Variants in SCRG1 observed in about 807,000 individuals in gnomAD.
SCRG1 encodes stimulator of chondrogenesis 1.
Under a neutral mutation model 7.7 loss-of-function variants are expected in SCRG1, and 3 were observed. The ratio of observed to expected loss-of-function variants is 0.39; its 90% CI spans 0.18 to 1.01. SCRG1 has a LOEUF of 1.01. SCRG1 is among the 50% of genes least tolerant of loss of function. The pLI, the probability that SCRG1 is intolerant of heterozygous loss-of-function variation, is 0.36. For missense variants in SCRG1, 110 were observed against 117.2 expected, an observed-to-expected ratio of 0.94 and a Z score of 0.28; for synonymous variants, 46 against 41.2, an observed-to-expected ratio of 1.12 and a Z score of -0.44.
At chr4:173,476,363 A>AAAAAATATATATATATATATAT in the SCRG1 span, among the ~76,000 whole-genome samples, 570 of 98,334 alleles carry the variant, frequency 5.8e-3, 8 homozygotes, top group Non-Finnish European at 1.0e-2. Context: ...GGAAAAAAAA[A>AAAAAATATATATATATATATAT]ATATATATAT....
the SCRG1 span, among the ~76,000 whole-genome samples, chr4:173,424,359 A>G: frequency 1.3e-5 from 2 of 152,248 alleles, no homozygotes; most frequent in African/African-American, 4.8e-5. Context: ...AAAAATTTAC[A>G]AGGCAACAAT....
chr4:173,509,523 T>C, the SCRG1 span, among the ~76,000 whole-genome samples: 1 of 152,192 alleles, frequency 6.6e-6, no homozygotes, highest in Non-Finnish European at 1.5e-5. The surrounding 1 kb of genome is among the most constrained non-coding windows in gnomAD (Gnocchi z 5.7). Flanking sequence ...GGACCTGCGC[T>C]CGCAGCCTCT....
the SCRG1 span, among the ~76,000 whole-genome samples, chr4:173,448,224 T>C: frequency 7.2e-5 from 11 of 152,230 alleles, no homozygotes; most frequent in African/African-American, 2.7e-4. Flanking sequence ...CTGGCTTCTG[T>C]AGCCAAGTCT....
chr4:173,390,197 C>T (rs994983732), intron 2 of SCRG1, among the ~76,000 whole-genome samples: 1 of 152,052 alleles, frequency 6.6e-6, no homozygotes, highest in Non-Finnish European at 1.5e-5. Context: ...GCATGTGCCA[C>T]CATGCCTGGC....
chr4:173,420,847 A>G, the SCRG1 span, among the ~76,000 whole-genome samples: 1 of 152,208 alleles, frequency 6.6e-6, no homozygotes, highest in East Asian at 1.9e-4. Flanking sequence ...TAGAATGCTT[A>G]TTGTCAATTG....
chr4:173,502,536 C>T, the SCRG1 span, among the ~76,000 whole-genome samples: 40 of 152,144 alleles, frequency 2.6e-4, no homozygotes, highest in African/African-American at 8.7e-4. This position sits in a 1 kb window ranked among gnomAD's most constrained non-coding sequence, Gnocchi z 4.6. Context: ...CTTTCTAAGC[C>T]TGCAAGTTTA....
At chr4:173,451,634 TTTTA>T in the SCRG1 span, among the ~76,000 whole-genome samples, 559 of 21,194 alleles carry the variant, frequency 0.026, 4 homozygotes, top group African/African-American at 0.039. Context: ...TACTTACTTA[TTTTA>T]TTTATTTATT....
the SCRG1 span, among the ~76,000 whole-genome samples, chr4:173,432,802 TA>T: frequency 6.6e-6 from 1 of 152,232 alleles, no homozygotes; most frequent in Non-Finnish European, 1.5e-5. Context: ...AGCTACCCTA[TA>T]TGTTTAAGGC....
the SCRG1 span, among the ~76,000 whole-genome samples, chr4:173,485,021 AT>A: frequency 7.6e-3 from 264 of 34,696 alleles, 35 homozygotes; most frequent in African/African-American, 0.026. Context: ...TATATAATAT[AT>A]AATATATTAT....
rs944905249 is a variant in SCRG1, at chr4:173,386,088, T to A, written c.*2253A>T. Reference sequence around the variant, plus strand: ...ATTTTACAATTTCACTTCATGTATTTTATAGGAGCTTACACTGTTCGAAAA... The same window carrying A: ...ATTTTACAATTTCACTTCATGTATTATATAGGAGCTTACACTGTTCGAAAA... On this transcript the variant is annotated 3_prime_UTR_variant, in exon 3 of 3. Transcript: ENST00000296506. 4 of 152,154 alleles carry A rather than the reference T, an allele frequency of 2.6e-5. No individual in the cohort carries two copies. The highest frequency in any genetic ancestry group is 2.0e-4 in the Admixed American group (3 of 15,270). 9.4% of individuals were successfully genotyped at this position (152,154 alleles called of 1,614,324 possible).
upstream of SCRG1, among the ~76,000 whole-genome samples, chr4:173,408,025 A>G (rs1578972203): frequency 6.6e-6 from 1 of 152,362 alleles, no homozygotes; most frequent in East Asian, 1.9e-4. Context: ...ACAACACAGT[A>G]TTAGATAACT....
the SCRG1 span, among the ~76,000 whole-genome samples, chr4:173,515,259 C>T: frequency 2.0e-5 from 3 of 152,136 alleles, no homozygotes; most frequent in Non-Finnish European, 2.9e-5. The surrounding 1 kb of genome is among the most constrained non-coding windows in gnomAD (Gnocchi z 4.6). Flanking sequence ...CCCCCTGCCC[C>T]CCGCCAAAGA....
At chr4:173,470,120 C>CTTTTTTTTTTTTTT in the SCRG1 span, 2 of 89,974 alleles carry the variant, frequency 2.2e-5, no homozygotes, top group African/African-American at 8.3e-5. Context: ...CTCCCTCTTT[C>CTTTTTTTTTTTTTT]TTTTTTTTTT....
the SCRG1 span, among the ~76,000 whole-genome samples, chr4:173,452,158 C>G: frequency 6.7e-6 from 1 of 149,768 alleles, no homozygotes; most frequent in Admixed American, 6.8e-5. Context: ...ATTGATTGAA[C>G]CCAGGAGGCA....
At chr4:173,476,363 A>AAAAAAAAAAATATATATATATATAT in the SCRG1 span, among the ~76,000 whole-genome samples, 57 of 98,476 alleles carry the variant, frequency 5.8e-4, no homozygotes, top group Admixed American at 2.3e-3. Flanking sequence ...GGAAAAAAAA[A>AAAAAAAAAAATATATATATATATAT]ATATATATAT....
chr4:173,430,345 A>C, the SCRG1 span, among the ~76,000 whole-genome samples: 1 of 152,170 alleles, frequency 6.6e-6, no homozygotes, highest in African/African-American at 2.4e-5. Flanking sequence ...AAAATAATGT[A>C]AAAAGCATTC....
At chr4:173,445,531 G>A in the SCRG1 span, among the ~76,000 whole-genome samples, 11 of 144,564 alleles carry the variant, frequency 7.6e-5, no homozygotes, top group Non-Finnish European at 1.3e-4. Context: ...GTGGTGAGCC[G>A]ATATCGTGCC....
chr4:173,427,122 C>T, the SCRG1 span, among the ~76,000 whole-genome samples: 1 of 152,138 alleles, frequency 6.6e-6, no homozygotes, highest in Admixed American at 6.5e-5. Flanking sequence ...AGTGACTTTT[C>T]CAGTGAGGAA....
chr4:173,430,806 C>CAA, the SCRG1 span, among the ~76,000 whole-genome samples: 31 of 59,088 alleles, frequency 5.2e-4, no homozygotes, highest in African/African-American at 2.1e-3. Flanking sequence ...GACCCTGTCT[C>CAA]AAAAAAAAAA....
Sources: gnomAD v4.1 joint callset for allele counts (sites outside exome capture counted in the v4.1 genomes callset) on GRCh38, gnomAD v4.1.1 for gene constraint, Gnocchi (gnomAD v3.1) non-coding constraint, MANE v1.5 for transcripts, NCBI Gene and HGNC (gene_info 2026-07-23, HGNC 2026-07-21) for gene names.